The following RCBTB1 variants were observed in gnomAD, a reference collection of about 807,000 sequenced individuals.
RCBTB1 encodes the protein RCC1 and BTB domain containing protein 1.
Under a neutral mutation model 62.4 loss-of-function variants are expected in RCBTB1, and 46 were observed. The ratio of observed to expected loss-of-function variants is 0.74; its 90% CI spans 0.58 to 0.94. The LOEUF (loss-of-function observed/expected upper bound fraction) is 0.94. RCBTB1 is among the 40% of genes least tolerant of loss of function. RCBTB1 has a pLI of 0.00. For synonymous variants in RCBTB1, 222 were observed against 245.8 expected (o/e 0.90, Z 0.91); for missense variants, 565 against 654.9 (o/e 0.86, Z 1.50).
chr13:49,540,979 C>A lies in RCBTB1; in HGVS notation c.1352G>T (p.Cys451Phe), dbSNP rs1384816177. 3.1e-6 allele frequency: 5 copies of A among 1,612,848 alleles called. No individual in the cohort carries two copies. The highest frequency in any genetic ancestry group is 4.2e-6 in the Non-Finnish European group (5 of 1,179,956). ...IGLLDLATSY[C>F]ENRLKKLCQH... ...ACAAAGTTTTTTCAGTCTGTTTTCA[C>A]AGTAAGATGTCGCCAAATCCAGAAG... The change falls in exon 12 of 13, where the codon TGT (cysteine) becomes TTT (phenylalanine). Residue 451 changes from cysteine (C) to phenylalanine (F), a missense_variant. Cys to Phe is a radical substitution (Grantham distance 205, BLOSUM62 -2). Coordinates refer to ENST00000378302, the MANE Select transcript of RCBTB1 (RefSeq NM_018191.4).
chr13:49,578,198 A>G (rs553899828), intron 2 of RCBTB1, among the ~76,000 whole-genome samples: 3 of 152,190 alleles, frequency 2.0e-5, no homozygotes, highest in Non-Finnish European at 4.4e-5. Context: ...CATAACCTAC[A>G]CACATCCTCC....
chr13:49,553,789 G>A (rs1384834047), intron 6 of RCBTB1, among the ~76,000 whole-genome samples: 1 of 152,188 alleles, frequency 6.6e-6, no homozygotes, highest in Non-Finnish European at 1.5e-5. Flanking sequence ...TGCCAGAAGT[G>A]TAACAGACAT....
intron 6 of RCBTB1, among the ~76,000 whole-genome samples, chr13:49,554,058 C>A (rs944810988): frequency 6.6e-6 from 1 of 152,160 alleles, no homozygotes; most frequent in Non-Finnish European, 1.5e-5. Flanking sequence ...TGATGGAAAG[C>A]CGCATAAATG....
At chr13:49,548,457 T>C (rs1961020608) in intron 9 of RCBTB1, among the ~76,000 whole-genome samples, 1 of 151,090 alleles carries the variant, frequency 6.6e-6, no homozygotes, top group Non-Finnish European at 1.5e-5. Flanking sequence ...GTAAGAAATC[T>C]AGTATAACAG....
At chr13:49,570,553 T>C (rs988896998) in intron 2 of RCBTB1, among the ~76,000 whole-genome samples, 1 of 152,230 alleles carries the variant, frequency 6.6e-6, no homozygotes, top group African/African-American at 2.4e-5. Context: ...CTGTTTGCTG[T>C]TTTGAGCCTG....
intron 2 of RCBTB1, among the ~76,000 whole-genome samples, chr13:49,573,028 A>G (rs1566267800): frequency 6.6e-6 from 1 of 152,078 alleles, no homozygotes; most frequent in Non-Finnish European, 1.5e-5. Flanking sequence ...CCATGGTGCT[A>G]TGGTTTGTCC....
chr13:49,547,291 C>CTCTTCCTAAG, intron 9 of RCBTB1: 3 of 705,844 alleles, frequency 4.3e-6, no homozygotes, highest in Non-Finnish European at 6.2e-6. Flanking sequence ...ACCCTTGCCT[C>CTCTTCCTAAG]CATGCCCATG....
chr13:49,566,880 A>G (rs1963057793), intron 3 of RCBTB1, 112 bp from the exon 4 acceptor site: 2 of 1,032,478 alleles, frequency 1.9e-6, no homozygotes, highest in East Asian at 5.0e-5. Flanking sequence ...GGAGGTGAAA[A>G]GAGACTGATA....
intron 2 of RCBTB1, among the ~76,000 whole-genome samples, chr13:49,573,996 C>T (rs1963593039): frequency 6.7e-6 from 1 of 149,558 alleles, no homozygotes; most frequent in South Asian, 2.1e-4. Context: ...GTTGGCCAGG[C>T]TGGTCTCAAA....
chr13:49,534,516 A>G (rs1003826598), intron 12 of RCBTB1, among the ~76,000 whole-genome samples: 23 of 150,982 alleles, frequency 1.5e-4, no homozygotes, highest in Admixed American at 8.6e-4. Context: ...ACGCGCGCGC[A>G]CACACACACA....
chr13:49,550,972 A>G (rs1247358026), intron 8 of RCBTB1, among the ~76,000 whole-genome samples: 3 of 152,102 alleles, frequency 2.0e-5, no homozygotes. Flanking sequence ...GCATGGTGGT[A>G]CACACCTGTA....
chr13:49,564,609 A>T (rs1962761613), intron 4 of RCBTB1, among the ~76,000 whole-genome samples: 1 of 105,372 alleles, frequency 9.5e-6, no homozygotes, highest in Non-Finnish European at 2.0e-5. Flanking sequence ...AAAAAAAAAA[A>T]TGCCGGGCGC....
intron 12 of RCBTB1, among the ~76,000 whole-genome samples, chr13:49,535,359 C>T (rs1162241423): frequency 6.6e-6 from 1 of 152,030 alleles, no homozygotes; most frequent in East Asian, 1.9e-4. Flanking sequence ...TTTATTAAAT[C>T]GATTAGGCAC....
At chr13:49,542,986 G>A (rs1594257195) in intron 10 of RCBTB1, among the ~76,000 whole-genome samples, 1 of 152,334 alleles carries the variant, frequency 6.6e-6, no homozygotes, top group East Asian at 1.9e-4. Flanking sequence ...CTGAGGTGCA[G>A]TGGCTCAAGC....
intron 2 of RCBTB1, among the ~76,000 whole-genome samples, chr13:49,574,525 T>C (rs1165507299): frequency 6.6e-6 from 1 of 152,196 alleles, no homozygotes; most frequent in Non-Finnish European, 1.5e-5. Context: ...CCTAGGCTGT[T>C]AGAAGTTTTA....
At chr13:49,538,347 A>G (rs1365613418) in intron 12 of RCBTB1, among the ~76,000 whole-genome samples, 1 of 152,212 alleles carries the variant, frequency 6.6e-6, no homozygotes, top group African/African-American at 2.4e-5. Context: ...TGTATCTTGT[A>G]GCATTCAGGA....
chr13:49,582,632 A>ACTCATTCT (rs1226562934), intron 1 of RCBTB1, among the ~76,000 whole-genome samples: 1 of 152,152 alleles, frequency 6.6e-6, no homozygotes, highest in Non-Finnish European at 1.5e-5. Flanking sequence ...CTGGAGACAT[A>ACTCATTCT]CTCATTCTCT....
At chr13:49,574,684 T>TA (rs200928511) in intron 2 of RCBTB1, among the ~76,000 whole-genome samples, 2,377 of 85,692 alleles carry the variant, frequency 0.028, 37 homozygotes, top group East Asian at 0.088. Flanking sequence ...GGTGATTCCT[T>TA]AAAAAAAAAA....
At position 49,544,959 on chromosome 13, in the gene RCBTB1, T is replaced by C. The variant is rs139425954; in HGVS notation, c.1046-96A>G. On this transcript the variant is annotated intron_variant, in intron 9 of 12. Coordinates refer to ENST00000378302, the MANE Select transcript of RCBTB1 (RefSeq NM_018191.4). ...AGATCATCATGACCGTGATGGATAA[T>C]TCCACTTGTTTTTTTTTCAAGAGTT... 6.3e-4 allele frequency: 651 copies of C among 1,029,046 alleles called. 14 individuals carry two copies. In the South Asian group the frequency reaches 8.5e-3, roughly 13 times the overall value. 63.7% of individuals were successfully genotyped at this position (1,029,046 alleles called of 1,614,324 possible). A position where few individuals can be genotyped will look rare whatever the true frequency, so the allele number is the denominator to read the frequency against.
Sources: gnomAD v4.1 joint callset for allele counts (sites outside exome capture counted in the v4.1 genomes callset) on GRCh38, gnomAD v4.1.1 for gene constraint, MANE v1.5 for transcripts, NCBI Gene and HGNC (gene_info 2026-07-23, HGNC 2026-07-21) for gene names.